Variants in CFAP299 observed in about 807,000 individuals in gnomAD.
CFAP299 encodes cilia and flagella associated protein 299, also known as cilia- and flagella-associated protein 299.
CFAP299 carries 21 observed loss-of-function variants against 27.0 expected under a neutral mutation model. The observed-to-expected ratio is 0.78, with a 90% CI of 0.55 to 1.12. The LOEUF is 1.12. Among genes scored for constraint, CFAP299 ranks in the 50% most tolerant of loss-of-function variants. The pLI is 0.00. For synonymous variants in CFAP299, 104 were observed against 98.1 expected (o/e 1.06, Z -0.36); for missense variants, 310 against 276.6 (o/e 1.12, Z -0.86).
intron 2 of CFAP299, among the ~76,000 whole-genome samples, chr4:80,365,390 C>G (rs902947971): frequency 2.0e-5 from 3 of 152,092 alleles, no homozygotes; most frequent in African/African-American, 7.2e-5. Context: ...GCATGTATGT[C>G]TTCTTTTGAA....
At chr4:80,856,092 T>C (rs1279105540) in intron 3 of CFAP299, among the ~76,000 whole-genome samples, 3 of 151,500 alleles carry the variant, frequency 2.0e-5, no homozygotes, top group East Asian at 1.9e-4. Flanking sequence ...TTTTAATGAT[T>C]GCCATTCTAA....
intron 4 of CFAP299, among the ~76,000 whole-genome samples, chr4:80,889,307 T>C (rs1450970675): frequency 2.0e-5 from 3 of 151,916 alleles, no homozygotes; most frequent in African/African-American, 7.2e-5. Flanking sequence ...TTTCAACTGA[T>C]ACTGCAGAAA....
intron 3 of CFAP299, among the ~76,000 whole-genome samples, chr4:80,696,595 A>G (rs920492519): frequency 1.3e-5 from 2 of 152,202 alleles, no homozygotes; most frequent in African/African-American, 4.8e-5. Flanking sequence ...GAGACAGACA[A>G]TAAACACATA....
Position 80,791,568 on chromosome 4 carries a change from G to T in CFAP299, c.334-78425G>T, listed in dbSNP as rs76013378. On this transcript the variant is annotated intron_variant, in intron 3 of 5. Coordinates refer to ENST00000358105, the MANE Select transcript of CFAP299 (RefSeq NM_152770.3). ...TAAGATAGAAGTAAACTTTCCATGC[G>T]TATTGAAGACTTAACACTGAAATCT... Among the ~76,000 whole-genome samples the T allele has an allele frequency of 5.6e-3, 847 of 152,110 alleles. 7 individuals are homozygous for T. Among genetic ancestry groups the T allele is most frequent in the African/African-American group, 0.018 (739 of 41,506 alleles).
intron 2 of CFAP299, among the ~76,000 whole-genome samples, chr4:80,572,507 G>GTTGTTTTTTTTTTTTT (rs1735632770): frequency 2.7e-5 from 1 of 36,380 alleles, no homozygotes; most frequent in Non-Finnish European, 5.2e-5. Flanking sequence ...CTGGATCCCA[G>GTTGTTTTTTTTTTTTT]TTTTTTTTTT....
chr4:80,741,665 G>T (rs2110064601), intron 3 of CFAP299, among the ~76,000 whole-genome samples: 1 of 152,218 alleles, frequency 6.6e-6, no homozygotes, highest in East Asian at 1.9e-4. Context: ...GGGAGGGATG[G>T]TGCAAGTATT....
chr4:80,873,507 G>A (rs1449135346), intron 4 of CFAP299, among the ~76,000 whole-genome samples: 1 of 152,100 alleles, frequency 6.6e-6, no homozygotes, highest in Non-Finnish European at 1.5e-5. Flanking sequence ...TGGATAGCAG[G>A]TTACAATTTC....
rs537694128 is a variant in CFAP299, at chr4:80,634,602, T to A, written c.333+51419T>A. 5.1e-3 allele frequency among the ~76,000 whole-genome samples: 772 copies of A among 152,298 alleles called. 5 individuals are homozygous for A. The highest frequency in any genetic ancestry group is 0.02 in the Middle Eastern group (6 of 294). ...GCTTAGCTGTTTAAAACTTTCTACC[T>A]TGGCTGCAATTATTACAAAGTGGTA... On this transcript the variant is annotated intron_variant, in intron 3 of 5. Transcript: ENST00000358105.
At chr4:80,582,499 A>G (rs544163510) in intron 2 of CFAP299, among the ~76,000 whole-genome samples, 80 of 151,932 alleles carry the variant, frequency 5.3e-4, no homozygotes, top group Non-Finnish European at 7.8e-4. Flanking sequence ...TCACTCTTGA[A>G]CTCACTATTA....
chr4:80,686,343 C>A (rs966716487), intron 3 of CFAP299, among the ~76,000 whole-genome samples: 3 of 152,162 alleles, frequency 2.0e-5, no homozygotes, highest in Non-Finnish European at 4.4e-5. Flanking sequence ...AAGGGAGGAG[C>A]CTTTGGCTCA....
At chr4:80,372,143 G>A (rs937138023) in intron 2 of CFAP299, among the ~76,000 whole-genome samples, 4 of 152,178 alleles carry the variant, frequency 2.6e-5, no homozygotes, top group African/African-American at 7.2e-5. Context: ...TCTGCTGAAA[G>A]GTGAAGGGGA....
At chr4:80,897,836 A>T (rs554006774) in intron 4 of CFAP299, among the ~76,000 whole-genome samples, 11 of 152,162 alleles carry the variant, frequency 7.2e-5, no homozygotes, top group Non-Finnish European at 1.2e-4. Context: ...AGAGCTTCTG[A>T]TTAGAGAAAA....
At chr4:80,405,903 G>T (rs28505471) in intron 2 of CFAP299, among the ~76,000 whole-genome samples, 26 of 152,018 alleles carry the variant, frequency 1.7e-4, no homozygotes, top group African/African-American at 6.3e-4. Flanking sequence ...TTCTGATATA[G>T]TTATTAGATA....
intron 4 of CFAP299, among the ~76,000 whole-genome samples, chr4:80,878,796 C>G (rs1166676895): frequency 6.6e-6 from 1 of 152,074 alleles, no homozygotes; most frequent in African/African-American, 2.4e-5. Context: ...TTGTACACAA[C>G]TTTCAATGTA....
At chr4:80,554,348 G>T (rs998829449) in intron 2 of CFAP299, among the ~76,000 whole-genome samples, 3 of 151,966 alleles carry the variant, frequency 2.0e-5, no homozygotes, top group Non-Finnish European at 4.4e-5. Flanking sequence ...GTTAGTTTAT[G>T]TGCCTGTTTT....
At chr4:80,491,218 T>C in intron 2 of CFAP299, among the ~76,000 whole-genome samples, 1 of 151,702 alleles carries the variant, frequency 6.6e-6, no homozygotes, top group East Asian at 1.9e-4. Context: ...TTTTAAAACA[T>C]TATAAGGATA....
intron 2 of CFAP299, among the ~76,000 whole-genome samples, chr4:80,394,954 CTG>C (rs1725699470): frequency 6.6e-6 from 1 of 151,744 alleles, no homozygotes; most frequent in African/African-American, 2.4e-5. Context: ...TTTTCTATTT[CTG>C]TGAAAATTCC....
intron 3 of CFAP299, among the ~76,000 whole-genome samples, chr4:80,855,397 T>A (rs1298975125): frequency 6.6e-6 from 1 of 151,880 alleles, no homozygotes; most frequent in South Asian, 2.1e-4. Flanking sequence ...ATTTTCTTTT[T>A]ATTTATTTAT....
chr4:80,647,918 A>C (rs1224766696), intron 3 of CFAP299, among the ~76,000 whole-genome samples: 1 of 152,092 alleles, frequency 6.6e-6, no homozygotes, highest in Admixed American at 6.6e-5. Context: ...TTAGCTGGGC[A>C]TGGCAGCACA....
Sources: allele counts gnomAD v4.1 joint callset (sites outside exome capture counted in the v4.1 genomes callset), GRCh38; gene constraint gnomAD v4.1.1; transcripts MANE v1.5; gene names NCBI Gene and HGNC (gene_info 2026-07-23, HGNC 2026-07-21).